PIAS1: variants seen among roughly 807,000 people sequenced by gnomAD.
The protein encoded by PIAS1 is protein inhibitor of activated STAT 1, also known as E3 SUMO-protein ligase PIAS1.
Under a neutral mutation model 71.3 loss-of-function variants are expected in PIAS1, and 6 were observed. That is an observed-to-expected ratio of 0.08 (90% CI 0.05 to 0.17). The LOEUF (loss-of-function observed/expected upper bound fraction) is 0.17. PIAS1 is among the 10% of genes least tolerant of loss of function. PIAS1 has a pLI of 1.00. For missense variants in PIAS1, 555 were observed against 793.6 expected (o/e 0.70, Z 3.61); for synonymous variants, 303 against 292.9 (o/e 1.03, Z -0.35).
At chr15:68,137,336 A>G (rs2092740682) in intron 2 of PIAS1, among the ~76,000 whole-genome samples, 1 of 152,204 alleles carries the variant, frequency 6.6e-6, no homozygotes, top group South Asian at 2.1e-4. Flanking sequence ...AGAATACAGT[A>G]ATTAAAAATG....
intron 2 of PIAS1, among the ~76,000 whole-genome samples, chr15:68,126,693 G>T (rs993801149): frequency 6.6e-6 from 1 of 152,152 alleles, no homozygotes; most frequent in African/African-American, 2.4e-5. Flanking sequence ...CCAAAATGCT[G>T]TAATTACAGG....
intron 2 of PIAS1, among the ~76,000 whole-genome samples, chr15:68,108,522 C>A (rs1013239675): frequency 6.6e-6 from 1 of 152,124 alleles, no homozygotes; most frequent in African/African-American, 2.4e-5. Flanking sequence ...GTCTCAAGGC[C>A]TTAAATAGTA....
Position 68,086,764 on chromosome 15 carries a change from A to G in PIAS1, c.469+14A>G, listed in dbSNP as rs776202432. Reference sequence around the variant, plus strand: ...CCACCAGTCTAGGTAAGATTATTGTATGATAGTATTTGGTTACTTTTGCAG... The same window carrying G: ...CCACCAGTCTAGGTAAGATTATTGTGTGATAGTATTTGGTTACTTTTGCAG... On this transcript the variant is annotated intron_variant, in intron 2 of 13. Transcript: ENST00000249636. The surrounding 1 kb of genome is among the most constrained non-coding windows in gnomAD (Gnocchi z 7.2). 2.0e-6 allele frequency: 3 copies of G among 1,531,448 alleles called. No homozygotes were observed. Among genetic ancestry groups the G allele is most frequent in the East Asian group, 2.3e-5 (1 of 44,266 alleles). 94.9% of individuals were successfully genotyped at this position (1,531,448 alleles called of 1,614,324 possible).
chr15:68,081,343 A>C (rs564133121), intron 1 of PIAS1, among the ~76,000 whole-genome samples: 8 of 152,144 alleles, frequency 5.3e-5, no homozygotes, highest in Admixed American at 5.2e-4. Flanking sequence ...AGGGAATCCA[A>C]ACAAAATAGC....
Position 68,086,223 on chromosome 15 carries a change from AGGGGG to A in PIAS1, c.25-82_25-78del. The A allele has an allele frequency of 2.2e-6, 2 of 913,782 alleles. No individual in the cohort carries two copies. The highest frequency in any genetic ancestry group is 1.9e-5 in the South Asian group (1 of 53,792). 56.6% of individuals were successfully genotyped at this position (913,782 alleles called of 1,614,324 possible). On this transcript the variant is annotated intron_variant, in intron 1 of 13. Transcript: ENST00000249636. This position sits in a 1 kb window ranked among gnomAD's most constrained non-coding sequence, Gnocchi z 7.2. ...TTATTTGCTTAAGTAAACCATAAGA[AGGGGG>A]TTATAATAAAGTGTCATTTAATAGT...
At chr15:68,179,564 C>CTTTT (rs766344324) in intron 11 of PIAS1, among the ~76,000 whole-genome samples, 2,299 of 39,974 alleles carry the variant, frequency 0.058, 743 homozygotes, top group Non-Finnish European at 0.078. Context: ...GTGAAATGTT[C>CTTTT]TTTTTTTTTT....
intron 8 of PIAS1, among the ~76,000 whole-genome samples, chr15:68,169,174 A>T (rs2092975153): frequency 1.3e-5 from 2 of 152,222 alleles, no homozygotes; most frequent in African/African-American, 4.8e-5. Context: ...TAGCAAAAGT[A>T]CCTTATAAAA....
chr15:68,095,451 A>ATTTC (rs944696789), intron 2 of PIAS1, among the ~76,000 whole-genome samples: 1 of 150,700 alleles, frequency 6.6e-6, no homozygotes, highest in Admixed American at 6.6e-5. Flanking sequence ...TTTGGCGATC[A>ATTTC]TTTCTTTCTT....
At chr15:68,096,914 G>A (rs1031996091) in intron 2 of PIAS1, among the ~76,000 whole-genome samples, 1 of 152,014 alleles carries the variant, frequency 6.6e-6, no homozygotes, top group Non-Finnish European at 1.5e-5. Flanking sequence ...TTTTTTGTGT[G>A]TGTGTAATTG....
rs1328166430 is a variant in PIAS1, at chr15:68,135,487, G to C, written c.470-6459G>C. On this transcript the variant is annotated intron_variant, in intron 2 of 13. Transcript: ENST00000249636. ...CCCCCCGGACGGGGCGGCTGGCCGG[G>C]GGGGGCTAACCCCCCCCACCTCCCT... 6.4e-5 allele frequency among the ~76,000 whole-genome samples: 2 copies of C among 31,348 alleles called. 1 individual carries two copies. The highest frequency in any genetic ancestry group is 4.5e-4 in the Admixed American group (2 of 4,494). The allele number at this position is 31,348 out of a possible 152,430, so 20.6% of individuals were successfully genotyped here. A position where few individuals can be genotyped will look rare whatever the true frequency, so the allele number is the denominator to read the frequency against.
intron 1 of PIAS1, among the ~76,000 whole-genome samples, chr15:68,068,064 A>G (rs1266166831): frequency 2.0e-5 from 3 of 152,146 alleles, no homozygotes; most frequent in African/African-American, 7.2e-5. Flanking sequence ...TGGAGAGGAA[A>G]GTTTTGGAGA....
chr15:68,084,543 G>A (rs775076168), intron 1 of PIAS1, among the ~76,000 whole-genome samples: 1 of 152,038 alleles, frequency 6.6e-6, no homozygotes, highest in Non-Finnish European at 1.5e-5. Flanking sequence ...ATTTGTTAAG[G>A]TTTACGTTAT....
chr15:68,097,357 A>G (rs1231952275), intron 2 of PIAS1, among the ~76,000 whole-genome samples: 3 of 152,076 alleles, frequency 2.0e-5, no homozygotes, highest in African/African-American at 7.2e-5. Flanking sequence ...GTATAATGTT[A>G]GCTGTGGATT....
intron 6 of PIAS1, among the ~76,000 whole-genome samples, chr15:68,152,283 G>A (rs971556661): frequency 5.9e-5 from 9 of 152,056 alleles, no homozygotes; most frequent in Non-Finnish European, 1.2e-4. Context: ...CCTCATTAAT[G>A]TGAAATTTAT....
chr15:68,144,530 A>G (rs929453746), intron 4 of PIAS1, among the ~76,000 whole-genome samples: 3 of 151,984 alleles, frequency 2.0e-5, no homozygotes, highest in East Asian at 3.9e-4. Context: ...CTCTTTTCCT[A>G]TAGGAAAGGG....
At chr15:68,142,387 T>C in intron 4 of PIAS1, 50 bp downstream of exon 4, 2 of 1,296,612 alleles carry the variant, frequency 1.5e-6, no homozygotes, top group South Asian at 2.4e-5. Context: ...ATAATATTCC[T>C]TTTCACAGTA....
chr15:68,089,747 G>C lies in PIAS1; in HGVS notation c.469+2997G>C, dbSNP rs533014369. Among the ~76,000 whole-genome samples, 32 of 152,130 alleles carry C rather than the reference G, an allele frequency of 2.1e-4. 1 individual carries two copies. The highest frequency in any genetic ancestry group is 5.9e-4 in the Admixed American group (9 of 15,282). On this transcript the variant is annotated intron_variant, in intron 2 of 13. Transcript: ENST00000249636. ...AATTTTGTATTTTTAGTAGAGATAG[G>C]GTTTCACCATGTTGGCCAGGGTGGT...
rs1388352190 is a variant in PIAS1, at chr15:68,190,921, T to G, written c.*3086T>G. On this transcript the variant is annotated 3_prime_UTR_variant, in exon 14 of 14. Transcript: ENST00000249636. This position sits in a 1 kb window ranked among gnomAD's most constrained non-coding sequence, Gnocchi z 4.7. The stretch of plus-strand genomic sequence containing the variant: ...TCGGATTCTTTGGCAGATTTTCCTT[T>G]GAGTCAAGTGTCTGAAATGGAGTGA... 2 of 152,216 alleles carry G rather than the reference T, an allele frequency of 1.3e-5. No homozygotes were observed. The highest frequency in any genetic ancestry group is 4.8e-5 in the African/African-American group (2 of 41,462). The allele number at this position is 152,216 out of a possible 1,614,324, so 9.4% of individuals were successfully genotyped here. A position where few individuals can be genotyped will look rare whatever the true frequency, so the allele number is the denominator to read the frequency against.
rs1222613538 is a variant in PIAS1 at position 68,193,159 on chromosome 15, C to G, written c.*5324C>G. The G allele has an allele frequency of 6.6e-6, 1 of 152,332 alleles. No individual in the cohort carries two copies. Among genetic ancestry groups the G allele is most frequent in the Non-Finnish European group, 1.5e-5 (1 of 68,150 alleles). 9.4% of individuals were successfully genotyped at this position (152,332 alleles called of 1,614,324 possible). On this transcript the variant is annotated 3_prime_UTR_variant, in exon 14 of 14. Transcript: ENST00000249636. ...ACCAGTGTGGGCCACTTGAGCAGAC[C>G]ATCCCGGAACCTCTCTGCCTGTTAA...
Sources: allele counts gnomAD v4.1 joint callset (sites outside exome capture counted in the v4.1 genomes callset), GRCh38; gene constraint gnomAD v4.1.1; non-coding constraint Gnocchi (gnomAD v3.1); transcripts MANE v1.5; gene names NCBI Gene and HGNC (gene_info 2026-07-23, HGNC 2026-07-21).